Variants in GRID2 observed in about 807,000 individuals in gnomAD.
GRID2 encodes glutamate ionotropic receptor delta type subunit 2.
A neutral mutation model predicts 114.8 loss-of-function variants in GRID2; 33 were observed. That is an observed-to-expected ratio of 0.29 (90% CI 0.22 to 0.38). The LOEUF is 0.38. Ranked by LOEUF, GRID2 falls within the 10% of genes least tolerant of loss-of-function variation. The probability of loss-of-function intolerance (pLI) is 1.00; values close to 1 mark genes in which losing one functional copy is unlikely to be tolerated. For synonymous variants in GRID2, 505 were observed against 449.9 expected (o/e 1.12, Z -1.55); for missense variants, 1,184 against 1,257.7 (o/e 0.94, Z 0.89).
chr4:93,600,451 A>G (rs1349172288), intron 13 of GRID2, among the ~76,000 whole-genome samples: 1 of 152,194 alleles, frequency 6.6e-6, no homozygotes, highest in Non-Finnish European at 1.5e-5. Flanking sequence ...CAAATTACCA[A>G]TAAACTCAAA....
chr4:93,615,330 T>C (rs1741501498), intron 13 of GRID2, among the ~76,000 whole-genome samples: 2 of 152,172 alleles, frequency 1.3e-5, no homozygotes, highest in Non-Finnish European at 1.5e-5. Context: ...CTGAAGCACT[T>C]TGGATGTTAT....
chr4:93,104,858 T>G (rs1030518857), intron 3 of GRID2, among the ~76,000 whole-genome samples: 2 of 152,052 alleles, frequency 1.3e-5, no homozygotes, highest in Non-Finnish European at 2.9e-5. Context: ...GTATTTCTAG[T>G]TCTAGATCCC....
chr4:92,847,121 A>G (rs1743383586), intron 2 of GRID2, among the ~76,000 whole-genome samples: 2 of 152,166 alleles, frequency 1.3e-5, no homozygotes, highest in Non-Finnish European at 2.9e-5. Context: ...GTTGCTAAAC[A>G]TATGGAAACT....
chr4:93,742,522 T>A (rs1445843900), intron 14 of GRID2, among the ~76,000 whole-genome samples: 1 of 152,240 alleles, frequency 6.6e-6, no homozygotes, highest in Non-Finnish European at 1.5e-5. Flanking sequence ...ATGTCAACCC[T>A]GCAAGTCTAT....
intron 13 of GRID2, among the ~76,000 whole-genome samples, chr4:93,582,117 G>C (rs1262012511): frequency 3.3e-5 from 5 of 152,054 alleles, no homozygotes; most frequent in Admixed American, 3.3e-4. Flanking sequence ...GATCTTACTG[G>C]CTAAAATTAA....
intron 2 of GRID2, among the ~76,000 whole-genome samples, chr4:92,857,497 C>CCA (rs1388284880): frequency 1.3e-5 from 2 of 152,134 alleles, no homozygotes; most frequent in Admixed American, 6.6e-5. Flanking sequence ...ACCAAAGCAG[C>CCA]CACAGCATTT....
At chr4:92,952,694 G>A (rs1467368133) in intron 2 of GRID2, among the ~76,000 whole-genome samples, 1 of 152,172 alleles carries the variant, frequency 6.6e-6, no homozygotes, top group Non-Finnish European at 1.5e-5. Context: ...AATAAGTCAA[G>A]TAGTAGTATC....
At chr4:93,387,493 T>C (rs1452235895) in intron 8 of GRID2, among the ~76,000 whole-genome samples, 1 of 152,088 alleles carries the variant, frequency 6.6e-6, no homozygotes, top group African/African-American at 2.4e-5. Context: ...GGTAACACAG[T>C]GTTGGCTATG....
chr4:92,704,378 G>A (rs1005152433), intron 2 of GRID2, among the ~76,000 whole-genome samples: 2 of 152,102 alleles, frequency 1.3e-5, no homozygotes, highest in Non-Finnish European at 2.9e-5. Flanking sequence ...TTCCCTAGTT[G>A]TTATGGGTTG....
intron 14 of GRID2, among the ~76,000 whole-genome samples, chr4:93,690,500 T>C (rs1250300446): frequency 6.6e-6 from 1 of 151,982 alleles, no homozygotes; most frequent in Non-Finnish European, 1.5e-5. Flanking sequence ...TATTATTAAA[T>C]CAGAGGGTCT....
chr4:92,304,078 C>T lies in GRID2; in HGVS notation c.-579C>T, dbSNP rs1021798043. On this transcript the variant is annotated 5_prime_UTR_variant, in exon 1 of 16. Coordinates refer to ENST00000282020, the MANE Select transcript of GRID2 (RefSeq NM_001510.4). Reference sequence around the variant, plus strand: ...CTTGAAGTTCACTTTTTCTACCCCTCTTGGAGAGGGCTTTTTTCCCCCCTC... The same window carrying T: ...CTTGAAGTTCACTTTTTCTACCCCTTTTGGAGAGGGCTTTTTTCCCCCCTC... The T allele has an allele frequency of 1.3e-5, 2 of 157,738 alleles. No individual in the cohort carries two copies. The highest frequency in any genetic ancestry group is 4.8e-5 in the African/African-American group (2 of 41,476). The allele number at this position is 157,738 out of a possible 1,614,324, so 9.8% of individuals were successfully genotyped here. A position where few individuals can be genotyped will look rare whatever the true frequency, so the allele number is the denominator to read the frequency against.
Position 92,440,313 on chromosome 4 carries a change from T to A in GRID2, c.88+135569T>A, listed in dbSNP as rs1312465181. Among the ~76,000 whole-genome samples the A allele has an allele frequency of 1.6e-4, 24 of 145,750 alleles. 4 individuals carry two copies. Among genetic ancestry groups the A allele is most frequent in the Admixed American group, 4.1e-4 (6 of 14,690 alleles). On this transcript the variant is annotated intron_variant, in intron 1 of 15. Transcript: ENST00000282020. ...AGGCTGGTCTATTATCAGACTGTAT[T>A]GAGGTGGGAAGGCTAAACTGAGGAA...
At chr4:93,730,994 G>A (rs1216573154) in intron 14 of GRID2, among the ~76,000 whole-genome samples, 2 of 152,222 alleles carry the variant, frequency 1.3e-5, no homozygotes, top group Non-Finnish European at 2.9e-5. Flanking sequence ...GTTTCCCCGT[G>A]ACACCTGCTG....
chr4:93,245,668 G>A (rs540518909), intron 8 of GRID2, among the ~76,000 whole-genome samples: 1 of 152,134 alleles, frequency 6.6e-6, no homozygotes, highest in Admixed American at 6.6e-5. Context: ...GACATACCTG[G>A]GTTGAAATTC....
At chr4:92,492,946 T>C (rs1226951711) in intron 1 of GRID2, among the ~76,000 whole-genome samples, 1 of 151,822 alleles carries the variant, frequency 6.6e-6, no homozygotes, top group African/African-American at 2.4e-5. Flanking sequence ...CTGGCCAACA[T>C]GGTGAAACCC....
chr4:92,798,699 C>T (rs1344396135), intron 2 of GRID2, among the ~76,000 whole-genome samples: 1 of 151,972 alleles, frequency 6.6e-6, no homozygotes, highest in Non-Finnish European at 1.5e-5. Context: ...TGCAGTGTTG[C>T]AGTACTCACT....
chr4:93,736,630 G>A (rs1328349837), intron 14 of GRID2, among the ~76,000 whole-genome samples: 1 of 151,396 alleles, frequency 6.6e-6, no homozygotes, highest in Non-Finnish European at 1.5e-5. Flanking sequence ...AGTCTATTGG[G>A]GCTTCTAAAA....
At chr4:93,130,457 C>A (rs1442227316) in intron 4 of GRID2, among the ~76,000 whole-genome samples, 1 of 151,938 alleles carries the variant, frequency 6.6e-6, no homozygotes, top group African/African-American at 2.4e-5. Flanking sequence ...GGGAAAAAAA[C>A]TGGTAATACA....
At chr4:92,705,694 G>C (rs1324911297) in intron 2 of GRID2, among the ~76,000 whole-genome samples, 1 of 152,156 alleles carries the variant, frequency 6.6e-6, no homozygotes, top group Non-Finnish European at 1.5e-5. Context: ...ACTGCCTTCA[G>C]CTATTACATT....
Sources: gnomAD v4.1 joint callset for allele counts (sites outside exome capture counted in the v4.1 genomes callset) on GRCh38, gnomAD v4.1.1 for gene constraint, MANE v1.5 for transcripts, NCBI Gene and HGNC (gene_info 2026-07-23, HGNC 2026-07-21) for gene names.